VPS13A: variants seen among roughly 807,000 people sequenced by gnomAD.
VPS13A encodes the protein intermembrane lipid transfer protein VPS13A.
A neutral mutation model predicts 390.9 loss-of-function variants in VPS13A; 264 were observed. The observed-to-expected ratio is 0.68, with a 90% confidence interval of 0.61 to 0.75. The LOEUF is 0.75. VPS13A is among the 30% of genes least tolerant of loss of function. The pLI, the probability that VPS13A is intolerant of heterozygous loss-of-function variation, is 0.00. For synonymous variants in VPS13A, 1,231 were observed against 1,227.1 expected, an observed-to-expected ratio of 1.00 and a Z score of -0.07; for missense variants, 3,409 against 3,733.9, an observed-to-expected ratio of 0.91 and a Z score of 2.27.
At chr9:77,286,195 A>G (rs1827311402) in intron 31 of VPS13A, among the ~76,000 whole-genome samples, 1 of 151,718 alleles carries the variant, frequency 6.6e-6, no homozygotes, top group Non-Finnish European at 1.5e-5. Context: ...ATTTCCTGTA[A>G]TTTGGTCTTG....
chr9:77,187,561 T>C (rs934340519), intron 1 of VPS13A, among the ~76,000 whole-genome samples: 1 of 152,150 alleles, frequency 6.6e-6, no homozygotes, highest in African/African-American at 2.4e-5. Context: ...GTCCATCTTT[T>C]AATCAGGTTG....
At chr9:77,181,993 A>T (rs1824047738) in intron 1 of VPS13A, among the ~76,000 whole-genome samples, 1 of 152,288 alleles carries the variant, frequency 6.6e-6, no homozygotes, top group African/African-American at 2.4e-5. Flanking sequence ...ACTTCTATTT[A>T]TAATTCTCCC....
chr9:77,295,878 T>C (rs746297688), intron 33 of VPS13A, 32 bp downstream of exon 33: 5 of 1,606,928 alleles, frequency 3.1e-6, no homozygotes. Context: ...TTGTGTGGAA[T>C]GCAATATTTT....
At chr9:77,287,919 C>A (rs896221399) in intron 31 of VPS13A, among the ~76,000 whole-genome samples, 2 of 152,144 alleles carry the variant, frequency 1.3e-5, no homozygotes, top group Non-Finnish European at 2.9e-5. Context: ...GTAAAACTTA[C>A]CTCTTTTAGT....
Position 77,273,280 on chromosome 9 carries a change from A to G in VPS13A, c.2428A>G (p.Ile810Val). The change falls in exon 24 of 72, where the codon ATT becomes GTT. Residue 810 changes from isoleucine (I) to valine (V), a missense_variant and splice_region_variant. Physicochemically the swap from Ile to Val is conservative, Grantham distance 29 (BLOSUM62 3). This residue lies in a region of VPS13A where 2,717 missense variants were observed against 2,917.4 expected (regional missense o/e 0.93). Transcript: ENST00000360280. Reference sequence around the variant, plus strand: ...CAACATTGAATTACTTTTCTTTCAGATTCAAACATCTACTTCTTTGGGAAC... The same window carrying G: ...CAACATTGAATTACTTTTCTTTCAGGTTCAAACATCTACTTCTTTGGGAAC... Reference protein sequence around the residue: ...EVSAPVKSFQIQTSTSLGTSQ... With the variant: ...EVSAPVKSFQVQTSTSLGTSQ... The G allele has an allele frequency of 1.9e-6, 3 of 1,608,670 alleles. No individual in the cohort carries two copies. The highest frequency in any genetic ancestry group is 1.1e-5 in the South Asian group (1 of 90,310).
intron 20 of VPS13A, 42 bp downstream of exon 20, chr9:77,247,437 G>A (rs1267910502): frequency 2.7e-5 from 41 of 1,535,266 alleles, no homozygotes; most frequent in Admixed American, 3.9e-5. Flanking sequence ...AGCATTTGGG[G>A]TGTTTCTTTG....
Position 77,293,525 on chromosome 9 carries a change from A to G in VPS13A, c.3507+17A>G. ...TCTATATTGGTAAGTATTTTATTAA[A>G]TTATTATTTATTTTATACTAATTGG... is the stretch of plus-strand genomic sequence containing the variant. On this transcript the variant is annotated intron_variant, in intron 32 of 71. Transcript: ENST00000360280. 7.5e-7 allele frequency: 1 copy of G among 1,335,362 alleles called. No homozygotes were observed. The highest frequency in any genetic ancestry group is 1.8e-5 in the South Asian group (1 of 55,332). 82.7% of individuals were successfully genotyped at this position (1,335,362 alleles called of 1,614,324 possible). A position where few individuals can be genotyped will look rare whatever the true frequency, so the allele number is the denominator to read the frequency against.
rs1162804335 is a variant in VPS13A at position 77,360,584 on chromosome 9, G to A, written c.8154G>A (p.Gly2718=). The change falls in exon 59 of 72, where the codon GGG becomes GGA. Residue 2718 remains glycine, a synonymous_variant. Transcript: ENST00000360280. ...IQEMDLRLDL[G]FIYALTDLMT... ...AAATGGATCTCAGGTTAGATCTTGGGTTTATCTATGCTTTAACAGACCTTA... is the reference window on the plus strand; with the variant it reads ...AAATGGATCTCAGGTTAGATCTTGGATTTATCTATGCTTTAACAGACCTTA... The A allele has an allele frequency of 6.2e-7, 1 of 1,612,948 alleles. No homozygotes were observed. The highest frequency in any genetic ancestry group is 8.5e-7 in the Non-Finnish European group (1 of 1,179,424).
chr9:77,264,852 A>G (rs1481120533), intron 23 of VPS13A, among the ~76,000 whole-genome samples: 1 of 152,192 alleles, frequency 6.6e-6, no homozygotes, highest in African/African-American at 2.4e-5. Flanking sequence ...GAGTGGTGAG[A>G]GAGGGCATTC....
chr9:77,284,206 A>G (rs1827204329), intron 31 of VPS13A, among the ~76,000 whole-genome samples: 1 of 152,180 alleles, frequency 6.6e-6, no homozygotes, highest in Non-Finnish European at 1.5e-5. Context: ...TTGAACAGGC[A>G]ACATCCTACC....
At chr9:77,226,832 G>A (rs947975650) in intron 15 of VPS13A, among the ~76,000 whole-genome samples, 1 of 152,076 alleles carries the variant, frequency 6.6e-6, no homozygotes, top group African/African-American at 2.4e-5. Flanking sequence ...GAGATTTAGT[G>A]AATGCATATA....
At chr9:77,395,785 ATC>A (rs1240300118) in intron 68 of VPS13A, 2 of 152,218 alleles carry the variant, frequency 1.3e-5, no homozygotes, top group Non-Finnish European at 2.9e-5. Flanking sequence ...GCAAGACAAA[ATC>A]TATTCTATTT....
chr9:77,334,999 C>G, intron 46 of VPS13A, among the ~76,000 whole-genome samples: 1 of 152,068 alleles, frequency 6.6e-6, no homozygotes, highest in East Asian at 1.9e-4. Context: ...AGTGTTCAGT[C>G]TAGCAAATTT....
chr9:77,335,937 C>T (rs1029093227), intron 46 of VPS13A, among the ~76,000 whole-genome samples: 3 of 152,120 alleles, frequency 2.0e-5, no homozygotes, highest in African/African-American at 7.2e-5. Flanking sequence ...TTCACAATAG[C>T]AAAGACTTGG....
intron 68 of VPS13A, among the ~76,000 whole-genome samples, chr9:77,393,505 C>G (rs898038001): frequency 1.3e-5 from 2 of 152,192 alleles, no homozygotes; most frequent in African/African-American, 4.8e-5. Context: ...GAATCACTCC[C>G]TGTGGCAGCC....
chr9:77,408,820 AC>A (rs1158824696), intron 71 of VPS13A, among the ~76,000 whole-genome samples: 1 of 152,228 alleles, frequency 6.6e-6, no homozygotes, highest in East Asian at 1.9e-4. Flanking sequence ...GGTGGAGCCC[AC>A]CACAGCTCAA....
intron 13 of VPS13A, among the ~76,000 whole-genome samples, chr9:77,225,533 A>G (rs1231348565): frequency 6.6e-6 from 1 of 152,170 alleles, no homozygotes; most frequent in East Asian, 1.9e-4. Flanking sequence ...GGCATGAGCC[A>G]CTGTGCTTGG....
intron 17 of VPS13A, among the ~76,000 whole-genome samples, chr9:77,232,917 T>G (rs914744030): frequency 6.6e-6 from 1 of 152,164 alleles, no homozygotes; most frequent in Non-Finnish European, 1.5e-5. Flanking sequence ...GAGTTTTTGG[T>G]TACTGATTTA....
intron 31 of VPS13A, among the ~76,000 whole-genome samples, chr9:77,292,713 A>C (rs751952165): frequency 1.3e-5 from 2 of 152,184 alleles, no homozygotes; most frequent in Non-Finnish European, 2.9e-5. Context: ...TTATGAGCTT[A>C]GTGCTCTGTC....
Sources: gnomAD v4.1 joint callset for allele counts (sites outside exome capture counted in the v4.1 genomes callset) on GRCh38, gnomAD v4.1.1 for gene constraint, gnomAD v4.1.1 regional missense constraint, MANE v1.5 for transcripts, NCBI Gene and HGNC (gene_info 2026-07-23, HGNC 2026-07-21) for gene names.